Variants in RARB observed in about 807,000 individuals in gnomAD.
RARB encodes the protein HBV-activated protein.
RARB carries 17 observed loss-of-function variants against 51.9 expected under a neutral mutation model. The ratio of observed to expected loss-of-function variants is 0.33; its 90% CI spans 0.22 to 0.49. The LOEUF (loss-of-function observed/expected upper bound fraction) is 0.49. Ranked by LOEUF, RARB falls within the 20% of genes least tolerant of loss-of-function variation. The pLI, the probability that RARB is intolerant of heterozygous loss-of-function variation, is 0.99. For missense variants in RARB, 369 were observed against 550.8 expected, an observed-to-expected ratio of 0.67 and a Z score of 3.30; for synonymous variants, 215 against 195.4, an observed-to-expected ratio of 1.10 and a Z score of -0.84.
At chr3:25,170,453 G>A (rs961425327) in intron 4 of RARB, among the ~76,000 whole-genome samples, 4 of 152,038 alleles carry the variant, frequency 2.6e-5, no homozygotes, top group Non-Finnish European at 4.4e-5. Flanking sequence ...TCTCCGGTGG[G>A]GCCTGGAGAA....
chr3:25,389,145 G>T (rs1212137712), intron 5 of RARB, among the ~76,000 whole-genome samples: 4 of 152,170 alleles, frequency 2.6e-5, no homozygotes, highest in Non-Finnish European at 5.9e-5. Flanking sequence ...AGAGGTTTCT[G>T]GGGAGGTGGC....
chr3:24,895,839 C>T (rs986293931), intron 2 of RARB, among the ~76,000 whole-genome samples: 12 of 152,106 alleles, frequency 7.9e-5, no homozygotes, highest in East Asian at 1.9e-4. Flanking sequence ...CATAGAATAA[C>T]GTCCAGCACT....
In RARB at chr3:25,359,939, A is replaced by G. The variant is rs1705875454; in HGVS notation, c.179-101254A>G. On this transcript the variant is annotated intron_variant, in intron 5 of 11. Transcript: ENST00000383772. ...ATAAGTGCTATGTAGTGCTGAGAAG[A>G]ATGTATATTCTGTTGATTTGAGGTG... is the stretch of plus-strand genomic sequence containing the variant. Among the ~76,000 whole-genome samples the G allele has an allele frequency of 2.6e-5, 4 of 152,234 alleles. No individual in the cohort carries two copies. The South Asian group carries it at 8.3e-4, about 31-fold the overall frequency.
At chr3:25,240,997 A>G (rs1445913603) in intron 5 of RARB, among the ~76,000 whole-genome samples, 1 of 152,082 alleles carries the variant, frequency 6.6e-6, no homozygotes, top group Non-Finnish European at 1.5e-5. Context: ...TACCAAGTCA[A>G]TCTCATTACT....
chr3:25,387,508 G>GT (rs763472941), intron 5 of RARB, among the ~76,000 whole-genome samples: 1 of 152,072 alleles, frequency 6.6e-6, no homozygotes, highest in Non-Finnish European at 1.5e-5. Flanking sequence ...CATTCCTTCT[G>GT]TTTTTTATAG....
intron 5 of RARB, among the ~76,000 whole-genome samples, chr3:25,195,043 T>C (rs1701198060): frequency 6.6e-6 from 1 of 152,018 alleles, no homozygotes. Flanking sequence ...ACAAAAAAGT[T>C]TCAAATGTGT....
intron 5 of RARB, among the ~76,000 whole-genome samples, chr3:25,319,823 TTTA>T (rs1271312685): frequency 1.3e-5 from 2 of 152,138 alleles, no homozygotes; most frequent in Non-Finnish European, 2.9e-5. Context: ...CAGACAGACA[TTTA>T]TTGATTCAGG....
chr3:24,994,445 G>T (rs908485532), intron 2 of RARB, among the ~76,000 whole-genome samples: 42 of 152,070 alleles, frequency 2.8e-4, no homozygotes, highest in Non-Finnish European at 3.7e-4. Flanking sequence ...CCATTAGGTA[G>T]GTTGTCTTTT....
In RARB at chr3:25,501,341, A is replaced by C; in HGVS notation, c.448+18A>C. 1 of 1,605,934 alleles carries C rather than the reference A, an allele frequency of 6.2e-7. No individual in the cohort carries two copies. Among genetic ancestry groups the C allele is most frequent in the Non-Finnish European group, 8.5e-7 (1 of 1,178,062 alleles). On this transcript the variant is annotated intron_variant, in intron 3 of 7. Coordinates refer to ENST00000330688, the MANE Select transcript of RARB (RefSeq NM_000965.5). ...CAAAGAATGTAAGTGGAGTCTCAAA[A>C]AACTTTTTCCCTGTTTTCCTTATCT...
chr3:25,086,722 G>C (rs1211410019), intron 3 of RARB, among the ~76,000 whole-genome samples: 2 of 152,068 alleles, frequency 1.3e-5, no homozygotes, highest in African/African-American at 4.8e-5. Context: ...GGCACTTCCA[G>C]GTCACAGGTG....
intron 1 of RARB, among the ~76,000 whole-genome samples, chr3:24,853,180 G>T (rs546439241): frequency 6.6e-6 from 1 of 151,724 alleles, no homozygotes; most frequent in Admixed American, 6.6e-5. Context: ...AGCCAGGCAT[G>T]GTGGCAGGCA....
chr3:25,279,815 C>T (rs1311558730), intron 5 of RARB, among the ~76,000 whole-genome samples: 1 of 151,866 alleles, frequency 6.6e-6, no homozygotes, highest in African/African-American at 2.4e-5. Context: ...AATTTTGTCC[C>T]AAACTTTGGT....
intron 2 of RARB, among the ~76,000 whole-genome samples, chr3:24,911,632 C>T (rs879642432): frequency 3.3e-5 from 5 of 152,136 alleles, no homozygotes; most frequent in Admixed American, 2.0e-4. Flanking sequence ...GGTTTCTCCA[C>T]GGATGGTATC....
At position 25,315,910 on chromosome 3, in the gene RARB, C is replaced by T. The variant is rs35667767; in HGVS notation, c.178+141335C>T. On this transcript the variant is annotated intron_variant, in intron 5 of 11. Coordinates refer to the RARB transcript ENST00000383772. Reference sequence around the variant, plus strand: ...CTGGGATTACAGGCATGAACCACCGCACCTGACCTACATTAATCTCTGTCA... The same window carrying T: ...CTGGGATTACAGGCATGAACCACCGTACCTGACCTACATTAATCTCTGTCA... Among the ~76,000 whole-genome samples, 222 of 152,236 alleles carry T rather than the reference C, an allele frequency of 1.5e-3. 4 individuals are homozygous for T. In the East Asian group the frequency reaches 0.024, roughly 17 times the overall value.
At chr3:25,220,239 A>G (rs1701918651) in intron 5 of RARB, among the ~76,000 whole-genome samples, 1 of 152,192 alleles carries the variant, frequency 6.6e-6, no homozygotes, top group Non-Finnish European at 1.5e-5. Context: ...GACAACAAGT[A>G]ATAGAAAATT....
rs115088074 is a variant in RARB at position 25,103,714 on chromosome 3, T to C, written c.-327-28447T>C. Among the ~76,000 whole-genome samples the C allele has an allele frequency of 6.0e-3, 913 of 152,328 alleles. 7 individuals are homozygous for C. The highest frequency in any genetic ancestry group is 0.02 in the African/African-American group (826 of 41,568). ...GCCCGGTGTCACTCAGTTCCATGAA[T>C]TGAATGTTGCTACTATAAAGTGCAT... On this transcript the variant is annotated intron_variant, in intron 3 of 11. Transcript: ENST00000383772.
At chr3:25,586,755 C>A (rs1022893267) in intron 5 of RARB, among the ~76,000 whole-genome samples, 1 of 152,332 alleles carries the variant, frequency 6.6e-6, no homozygotes, top group South Asian at 2.1e-4. Flanking sequence ...CCCATGTGAA[C>A]CTGTCCCTCC....
intron 2 of RARB, among the ~76,000 whole-genome samples, chr3:24,919,554 G>A (rs1390902112): frequency 6.6e-6 from 1 of 152,008 alleles, no homozygotes; most frequent in Non-Finnish European, 1.5e-5. Context: ...GTCCATGAAT[G>A]TTCTTTCACC....
At chr3:25,008,828 C>A (rs1326775762) in intron 2 of RARB, among the ~76,000 whole-genome samples, 1 of 152,096 alleles carries the variant, frequency 6.6e-6, no homozygotes. Context: ...TATAATGCAG[C>A]CAATGGCAAA....
Sources: gnomAD v4.1 joint callset for allele counts (sites outside exome capture counted in the v4.1 genomes callset) on GRCh38, gnomAD v4.1.1 for gene constraint, MANE v1.5 for transcripts, NCBI Gene and HGNC (gene_info 2026-07-23, HGNC 2026-07-21) for gene names.